Variants in CLK4 observed in about 807,000 individuals in gnomAD.
CLK4 encodes CDC like kinase 4.
In CLK4, 37 loss-of-function variants were observed where a neutral mutation model predicts 64.4. The observed-to-expected ratio is 0.57, with a 90% CI of 0.44 to 0.76. The LOEUF is 0.76. Ranked by LOEUF, CLK4 falls within the 30% of genes least tolerant of loss-of-function variation. CLK4 has a pLI of 0.00. For synonymous variants in CLK4, 175 were observed against 191.6 expected, an observed-to-expected ratio of 0.91 and a Z score of 0.72; for missense variants, 457 against 605.1, an observed-to-expected ratio of 0.76 and a Z score of 2.57.
intron 1 of CLK4, among the ~76,000 whole-genome samples, chr5:178,624,607 T>C (rs1364238092): frequency 1.3e-5 from 2 of 152,162 alleles, no homozygotes; most frequent in African/African-American, 4.8e-5. Context: ...TTAATTATTT[T>C]CCAAAACAGT....
Position 178,617,302 on chromosome 5 carries a change from T to G in CLK4, c.475+42A>C. On this transcript the variant is annotated intron_variant, in intron 4 of 12. Coordinates refer to ENST00000316308, the MANE Select transcript of CLK4 (RefSeq NM_020666.3). This position sits in a 1 kb window ranked among gnomAD's most constrained non-coding sequence, Gnocchi z 5.2. ...GACAAACTATTCTTAAAAAGATTAT[T>G]CTTTCTGCAAAGTTTAAAAAGTGTT... 6.8e-7 allele frequency: 1 copy of G among 1,480,616 alleles called. No homozygotes were observed. Among genetic ancestry groups the G allele is most frequent in the Non-Finnish European group, 9.4e-7 (1 of 1,058,488 alleles). The allele number at this position is 1,480,616 out of a possible 1,614,324, so 91.7% of individuals were successfully genotyped here.
Position 178,603,514 on chromosome 5 carries a change from A to G in CLK4, c.*103T>C. 2.5e-6 allele frequency: 2 copies of G among 814,208 alleles called. No homozygotes were observed. The highest frequency in any genetic ancestry group is 3.6e-6 in the Non-Finnish European group (2 of 561,286). 50.4% of individuals were successfully genotyped at this position (814,208 alleles called of 1,614,324 possible). A position where few individuals can be genotyped will look rare whatever the true frequency, so the allele number is the denominator to read the frequency against. Reference sequence around the variant, plus strand: ...TACAATATTTACACTTAACTGTACAAAATAATTTAATGTTTACAAAAATAT... The same window carrying G: ...TACAATATTTACACTTAACTGTACAGAATAATTTAATGTTTACAAAAATAT... On this transcript the variant is annotated 3_prime_UTR_variant, in exon 13 of 13. Coordinates refer to ENST00000316308, the MANE Select transcript of CLK4 (RefSeq NM_020666.3).
Position 178,613,851 on chromosome 5 carries a change from A to G in CLK4, c.543-8T>C, listed in dbSNP as rs775718829. 1 of 1,600,608 alleles carries G rather than the reference A, an allele frequency of 6.2e-7. No homozygotes were observed. The highest frequency in any genetic ancestry group is 1.1e-5 in the South Asian group (1 of 90,706). ...GCTACATGCATGCCATCCCTTAAAAATAAAATTAAGATAAAAATGATAAAT... is the reference window on the plus strand; with the variant it reads ...GCTACATGCATGCCATCCCTTAAAAGTAAAATTAAGATAAAAATGATAAAT... On this transcript the variant is annotated splice_polypyrimidine_tract_variant and splice_region_variant and intron_variant, in intron 5 of 12. Coordinates refer to ENST00000316308, the MANE Select transcript of CLK4 (RefSeq NM_020666.3).
At position 178,612,907 on chromosome 5, in the gene CLK4, G is replaced by A. The variant is rs2113806134; in HGVS notation, c.827-17C>T. The stretch of plus-strand genomic sequence containing the variant: ...GATGTAAAACTACAAGAGAACAAAA[G>A]CACATTATTAGTTTCACTTACAAAC... On this transcript the variant is annotated splice_polypyrimidine_tract_variant and intron_variant, in intron 7 of 12. Coordinates refer to ENST00000316308, the MANE Select transcript of CLK4 (RefSeq NM_020666.3). 7.8e-7 allele frequency: 1 copy of A among 1,282,852 alleles called. No homozygotes were observed. Among genetic ancestry groups the A allele is most frequent in the Non-Finnish European group, 1.1e-6 (1 of 893,494 alleles). 79.5% of individuals were successfully genotyped at this position (1,282,852 alleles called of 1,614,324 possible).
At position 178,618,620 on chromosome 5, in the gene CLK4, C is replaced by G; in HGVS notation, c.320G>C (p.Arg107Pro). 1 of 1,614,026 alleles carries G rather than the reference C, an allele frequency of 6.2e-7. No individual in the cohort carries two copies. Among genetic ancestry groups the G allele is most frequent in the Non-Finnish European group, 8.5e-7 (1 of 1,179,964 alleles). Residue 107 changes from arginine to proline, a missense_variant, in exon 3 of 13, where the codon CGC (arginine) becomes CCC (proline). Coordinates refer to ENST00000316308, the MANE Select transcript of CLK4 (RefSeq NM_020666.3). ...CCTTTTAGGACTGCTTCTCCTGCTG[C>G]GGACTGAAGATTTACTGCAGTGGAT... ...YRIHCSKSSV[R>P]SRRSSPKRKR...
Position 178,608,855 on chromosome 5 carries a change from T to C in CLK4, c.1052-397A>G, listed in dbSNP as rs528160921. ...TATATTTTATTAGCACAAATACAGG[T>C]TTATAATTATCCTCAGAATGAAATT... On this transcript the variant is annotated intron_variant, in intron 9 of 12. Transcript: ENST00000316308. Among the ~76,000 whole-genome samples the C allele has an allele frequency of 1.8e-3, 268 of 152,300 alleles. 2 individuals are homozygous for C. Among genetic ancestry groups the C allele is most frequent in the African/African-American group, 6.0e-3 (250 of 41,562 alleles).
intron 1 of CLK4, 42 bp from the exon 2 acceptor site, chr5:178,623,458 G>T: frequency 1.3e-6 from 2 of 1,488,972 alleles, no homozygotes; most frequent in Non-Finnish European, 1.8e-6. Flanking sequence ...GGTTACAGAT[G>T]TGTGATAGGT....
chr5:178,618,489 CTT>C lies in CLK4; in HGVS notation c.384+65_384+66del, dbSNP rs1013508629. On this transcript the variant is annotated intron_variant, in intron 3 of 12. Transcript: ENST00000316308. ...ATATATATATATAAAAAATTAGAAA[CTT>C]ATCAGCTCGTTAAGAGTACACACAA... 4.4e-5 allele frequency: 34 copies of C among 771,846 alleles called. 1 individual carries two copies. The highest frequency in any genetic ancestry group is 6.2e-5 in the Non-Finnish European group (32 of 512,840). The allele number at this position is 771,846 out of a possible 1,614,324, so 47.8% of individuals were successfully genotyped here.
intron 9 of CLK4, 126 bp from the exon 10 acceptor site, chr5:178,608,584 G>A (rs501721): frequency 0.38 from 228,122 of 594,434 alleles, 46,281 homozygotes; most frequent in Non-Finnish European, 0.45. Flanking sequence ...CCAAATTCAG[G>A]GTTTATAGTT....
At chr5:178,616,534 GC>G (rs1190348133) in intron 5 of CLK4, among the ~76,000 whole-genome samples, 3 of 152,166 alleles carry the variant, frequency 2.0e-5, no homozygotes, top group African/African-American at 7.2e-5. Context: ...AGGGGCTCAG[GC>G]TTGTAATCCC....
At chr5:178,620,681 A>G in intron 2 of CLK4, 2 of 398,220 alleles carry the variant, frequency 5.0e-6, no homozygotes, top group South Asian at 3.6e-5. Flanking sequence ...GTCCTGTGGG[A>G]GATAAAAAAA....
At chr5:178,609,915 T>A (rs976814906) in intron 9 of CLK4, among the ~76,000 whole-genome samples, 1 of 150,268 alleles carries the variant, frequency 6.7e-6, no homozygotes, top group Non-Finnish European at 1.5e-5. Flanking sequence ...TCTCAAAAAA[T>A]AAATAAATAA....
chr5:178,608,317 A>G, intron 10 of CLK4, 59 bp downstream of exon 10: 2 of 1,240,934 alleles, frequency 1.6e-6, no homozygotes, highest in Non-Finnish European at 2.3e-6. Flanking sequence ...AAACTTTAGC[A>G]TACCTTTAAC....
chr5:178,615,099 C>T lies in CLK4; in HGVS notation c.543-1256G>A, dbSNP rs114221239. Among the ~76,000 whole-genome samples the T allele has an allele frequency of 6.4e-3, 971 of 152,206 alleles. 6 individuals carry two copies. Among genetic ancestry groups the T allele is most frequent in the Non-Finnish European group, 0.01 (693 of 68,010 alleles). Reference sequence around the variant, plus strand: ...TGACTACAGGCTCACACCTGTAATCCCAGCACTATGGGAGGCTGAGGCAGA... The same window carrying T: ...TGACTACAGGCTCACACCTGTAATCTCAGCACTATGGGAGGCTGAGGCAGA... On this transcript the variant is annotated intron_variant, in intron 5 of 12. Coordinates refer to ENST00000316308, the MANE Select transcript of CLK4 (RefSeq NM_020666.3).
chr5:178,612,837 A>AC lies in CLK4; in HGVS notation c.879dup (p.Phe294ValfsTer5). The AC allele has an allele frequency of 6.3e-7, 1 of 1,580,424 alleles. No individual in the cohort carries two copies. Among genetic ancestry groups the AC allele is most frequent in the Non-Finnish European group, 8.7e-7 (1 of 1,151,048 alleles). Reference sequence around the variant, plus strand: ...TTGACTACATAGTCAGACTTCACAAACAAAATATTTTCAGGCTTCAGATCT... The same window carrying AC: ...TTGACTACATAGTCAGACTTCACAAACCAAAATATTTTCAGGCTTCAGATCT... On this transcript the variant is annotated frameshift_variant, in exon 8 of 13. Transcript: ENST00000316308. LOFTEE classifies it high-confidence loss of function.
intron 2 of CLK4, chr5:178,620,575 A>T (rs574924053): frequency 5.1e-4 from 231 of 455,348 alleles, no homozygotes; most frequent in African/African-American, 3.9e-3. Context: ...TTAATTTTTT[A>T]AAATATCCAC....
intron 9 of CLK4, among the ~76,000 whole-genome samples, chr5:178,611,635 G>C (rs866209839): frequency 6.6e-6 from 1 of 152,258 alleles, no homozygotes. Flanking sequence ...TCAAGAGTTT[G>C]CTTTTACACT....
intron 10 of CLK4, among the ~76,000 whole-genome samples, chr5:178,606,803 A>T (rs1325487055): frequency 6.6e-6 from 1 of 152,056 alleles, no homozygotes; most frequent in Non-Finnish European, 1.5e-5. Flanking sequence ...TACTAAAAAT[A>T]CAAAAAATTA....
chr5:178,611,248 CCT>C (rs1365991060), intron 9 of CLK4, among the ~76,000 whole-genome samples: 1 of 152,116 alleles, frequency 6.6e-6, no homozygotes, highest in Non-Finnish European at 1.5e-5. Context: ...TCTGAAAATA[CCT>C]CTCTGTCCAC....
Sources: allele counts gnomAD v4.1 joint callset (sites outside exome capture counted in the v4.1 genomes callset), GRCh38; gene constraint gnomAD v4.1.1; non-coding constraint Gnocchi (gnomAD v3.1); transcripts MANE v1.5; gene names NCBI Gene and HGNC (gene_info 2026-07-23, HGNC 2026-07-21).